The following TBL1X variants were observed in gnomAD, a reference collection of about 807,000 sequenced individuals.
TBL1X encodes the protein transducin beta like 1 X-linked.
In TBL1X, 10 loss-of-function variants were observed where a neutral mutation model predicts 50.7. The observed-to-expected ratio is 0.20, with a 90% CI of 0.12 to 0.33. The LOEUF (loss-of-function observed/expected upper bound fraction) is 0.33, where lower values mean the gene tolerates loss of function less well. TBL1X is among the 10% of genes least tolerant of loss of function. The pLI is 1.00. For missense variants in TBL1X, 340 were observed against 504.4 expected, an observed-to-expected ratio of 0.67 and a Z score of 3.12; for synonymous variants, 190 against 214.7, an observed-to-expected ratio of 0.88 and a Z score of 1.01.
At chrX:9,501,945 A>C (rs2082003617) in intron 2 of TBL1X, 96 bp downstream of exon 2, 2 of 111,362 alleles carry the variant, frequency 1.8e-5, no homozygotes, top group Admixed American at 1.9e-4. Context: ...GCCATAGCCT[A>C]TAGCCTCCTC....
intron 1 of TBL1X, among the ~76,000 whole-genome samples, chrX:9,473,594 T>C (rs944837991): frequency 2.7e-5 from 3 of 112,159 alleles, no homozygotes; most frequent in African/African-American, 9.7e-5. Context: ...GCTTTCTTAT[T>C]GGAACAGTGT....
At chrX:9,641,463 C>T (rs1437161565) in intron 3 of TBL1X, among the ~76,000 whole-genome samples, 1 of 112,293 alleles carries the variant, frequency 8.9e-6, no homozygotes, top group South Asian at 3.6e-4. Flanking sequence ...ACCTGTAGAA[C>T]TTGGGCAGTT....
chrX:9,698,139 A>G (rs541606999), intron 12 of TBL1X, among the ~76,000 whole-genome samples: 1 of 111,479 alleles, frequency 9.0e-6, no homozygotes, highest in South Asian at 3.8e-4. Context: ...CTCATTGGTC[A>G]GAAGGAGACC....
In TBL1X at chrX:9,560,898, C is replaced by T. The variant is rs772256134; in HGVS notation, c.-131+59049C>T. On this transcript the variant is annotated intron_variant, in intron 2 of 17. Coordinates refer to ENST00000645353, the MANE Select transcript of TBL1X (RefSeq NM_005647.4). Reference sequence around the variant, plus strand: ...TCCTTCCACCACCCAAAGTGAAATACGCAAGTCCCAGAGAACTGTGTCATT... The same window carrying T: ...TCCTTCCACCACCCAAAGTGAAATATGCAAGTCCCAGAGAACTGTGTCATT... Among the ~76,000 whole-genome samples, 4 of 111,982 alleles carry T rather than the reference C, an allele frequency of 3.6e-5. No homozygotes were observed. In the East Asian group the frequency reaches 1.1e-3, roughly 32 times the overall value.
chrX:9,483,122 T>A (rs746604166), intron 1 of TBL1X, among the ~76,000 whole-genome samples: 30 of 111,291 alleles, frequency 2.7e-4, no homozygotes, highest in Middle Eastern at 4.6e-3. Context: ...CCCTCCTCTT[T>A]CAAGAGAGTT....
chrX:9,704,608 G>C (rs778648833), intron 12 of TBL1X, among the ~76,000 whole-genome samples: 3 of 111,920 alleles, frequency 2.7e-5, no homozygotes, highest in Non-Finnish European at 5.6e-5. Flanking sequence ...TTCTTGGCTG[G>C]GTGCAATGGC....
intron 2 of TBL1X, among the ~76,000 whole-genome samples, chrX:9,596,651 A>G (rs1336741519): frequency 1.8e-5 from 2 of 111,347 alleles, no homozygotes; most frequent in African/African-American, 3.3e-5. Flanking sequence ...GACACTGCCT[A>G]ATGCCTCTTG....
rs747778774 is a variant in TBL1X at position 9,544,646 on chromosome X, T to G, written c.-131+42797T>G. On this transcript the variant is annotated intron_variant, in intron 2 of 17. Coordinates refer to ENST00000645353, the MANE Select transcript of TBL1X (RefSeq NM_005647.4). ...GGTGCGATCTCTGCTCACTGCAACC[T>G]ACGCCTCCCGAGTTCAAGCGATTCT... Among the ~76,000 whole-genome samples the G allele has an allele frequency of 1.1e-4, 12 of 112,295 alleles. No homozygotes were observed. The South Asian group carries it at 4.4e-3, about 41-fold the overall frequency.
At chrX:9,544,167 A>G (rs2146984787) in intron 2 of TBL1X, among the ~76,000 whole-genome samples, 1 of 111,968 alleles carries the variant, frequency 8.9e-6, no homozygotes, top group South Asian at 3.7e-4. Context: ...AACTCCTACT[A>G]ATTATTATGT....
chrX:9,511,040 C>G (rs1449792212), intron 2 of TBL1X, among the ~76,000 whole-genome samples: 1 of 112,156 alleles, frequency 8.9e-6, no homozygotes, highest in Non-Finnish European at 1.9e-5. Context: ...CCACAGCAGC[C>G]AAGTTGAATA....
At position 9,524,553 on chromosome X, in the gene TBL1X, C is replaced by T. The variant is rs1008990761; in HGVS notation, c.-131+22704C>T. ...GGTTCGTCCACATGGTAGCATGTGT[C>T]AGAATGTCTTTCCTTTTTAAGGCTG... On this transcript the variant is annotated intron_variant, in intron 2 of 17. Transcript: ENST00000645353. Among the ~76,000 whole-genome samples, 3 of 111,855 alleles carry T rather than the reference C, an allele frequency of 2.7e-5. No homozygotes were observed. In the Admixed American group the frequency reaches 2.8e-4, roughly 11 times the overall value.
intron 2 of TBL1X, among the ~76,000 whole-genome samples, chrX:9,612,463 A>G (rs2082618542): frequency 8.9e-6 from 1 of 112,148 alleles, no homozygotes; most frequent in Admixed American, 9.5e-5. Context: ...GGTAAAATTT[A>G]TATTACAACA....
chrX:9,480,036 C>T (rs182682955), intron 1 of TBL1X, among the ~76,000 whole-genome samples: 272 of 108,307 alleles, frequency 2.5e-3, no homozygotes, highest in African/African-American at 8.8e-3. Flanking sequence ...CCGCAACCTC[C>T]GCCTCCCGGG....
At chrX:9,531,801 C>CAAT (rs1050768124) in intron 2 of TBL1X, among the ~76,000 whole-genome samples, 1 of 109,700 alleles carries the variant, frequency 9.1e-6, no homozygotes, top group Non-Finnish European at 1.9e-5. Context: ...GGCACTATCT[C>CAAT]AGCTCACCGC....
chrX:9,490,551 A>G (rs1279279030), intron 1 of TBL1X, among the ~76,000 whole-genome samples: 1 of 111,786 alleles, frequency 8.9e-6, no homozygotes, highest in Non-Finnish European at 1.9e-5. Context: ...AGGCAATTTT[A>G]GGTGATTTTC....
intron 2 of TBL1X, among the ~76,000 whole-genome samples, chrX:9,512,840 G>A (rs966772050): frequency 9.0e-6 from 1 of 111,654 alleles, no homozygotes; most frequent in African/African-American, 3.3e-5. Flanking sequence ...TGCCTTTCCC[G>A]TGAGTCTTTC....
At chrX:9,529,815 C>G (rs1383390123) in intron 2 of TBL1X, among the ~76,000 whole-genome samples, 1 of 108,016 alleles carries the variant, frequency 9.3e-6, no homozygotes, top group African/African-American at 3.4e-5. Flanking sequence ...GGTATGGTGG[C>G]GCACACCTGT....
intron 2 of TBL1X, among the ~76,000 whole-genome samples, chrX:9,502,089 C>T (rs777534571): frequency 8.9e-6 from 1 of 112,862 alleles, no homozygotes; most frequent in South Asian, 3.6e-4. Context: ...GTATAAAATA[C>T]ACACTGGATT....
chrX:9,700,313 C>T (rs1038821875), intron 12 of TBL1X, among the ~76,000 whole-genome samples: 1 of 112,019 alleles, frequency 8.9e-6, no homozygotes, highest in Non-Finnish European at 1.9e-5. Context: ...AAAATATGCC[C>T]GAGGTAAACA....
Sources: allele counts gnomAD v4.1 joint callset (sites outside exome capture counted in the v4.1 genomes callset), GRCh38; gene constraint gnomAD v4.1.1; transcripts MANE v1.5; gene names NCBI Gene and HGNC (gene_info 2026-07-23, HGNC 2026-07-21).